Variants in TOM1L1 observed in about 807,000 individuals in gnomAD.
The protein encoded by TOM1L1 is TOM1-like protein 1.
In TOM1L1, 64 loss-of-function variants were observed where a neutral mutation model predicts 63.4. That is an observed-to-expected ratio of 1.01 (90% CI 0.83 to 1.24). The LOEUF (loss-of-function observed/expected upper bound fraction) is 1.24, where lower values mean the gene tolerates loss of function less well. TOM1L1 is among the 50% of genes most tolerant of loss of function. The pLI is 0.00. For missense variants in TOM1L1, 536 were observed against 567.0 expected, an observed-to-expected ratio of 0.95 and a Z score of 0.55; for synonymous variants, 166 against 194.4, an observed-to-expected ratio of 0.85 and a Z score of 1.22.
At chr17:54,919,916 G>A (rs1475168807) in intron 7 of TOM1L1, among the ~76,000 whole-genome samples, 1 of 152,100 alleles carries the variant, frequency 6.6e-6, no homozygotes, top group African/African-American at 2.4e-5. Flanking sequence ...TCAGAATGAA[G>A]TCAGCAAAGA....
In TOM1L1 at chr17:54,961,772, T is replaced by C. The variant is rs1467310031; in HGVS notation, c.*539T>C. On this transcript the variant is annotated 3_prime_UTR_variant, in exon 16 of 16. Transcript: ENST00000575882. ...CTTGATAATTGTCATTTAATTATAT[T>C]TCAGGTGTCCTGAACAGGTCACTAG... 2.3e-5 allele frequency: 23 copies of C among 1,013,850 alleles called. No homozygotes were observed. Among genetic ancestry groups the C allele is most frequent in the Non-Finnish European group, 2.6e-5 (22 of 848,338 alleles). 62.8% of individuals were successfully genotyped at this position (1,013,850 alleles called of 1,614,324 possible).
chr17:54,954,634 C>T (rs550997540), intron 14 of TOM1L1: 3 of 152,358 alleles, frequency 2.0e-5, no homozygotes, highest in East Asian at 3.9e-4. Context: ...TTCCAGTCCC[C>T]GAGTAGAGTT....
At chr17:54,924,672 G>A (rs1379865788) in intron 7 of TOM1L1, among the ~76,000 whole-genome samples, 2 of 152,140 alleles carry the variant, frequency 1.3e-5, no homozygotes, top group African/African-American at 4.8e-5. Context: ...TACTAGAATG[G>A]AAATGCCAAA....
At chr17:54,949,092 CATGATCAT>C (rs1222891319) in intron 12 of TOM1L1, among the ~76,000 whole-genome samples, 1 of 152,010 alleles carries the variant, frequency 6.6e-6, no homozygotes, top group African/African-American at 2.4e-5. Context: ...GAATATATAG[CATGATCAT>C]ATGATCATAA....
intron 11 of TOM1L1, among the ~76,000 whole-genome samples, chr17:54,945,427 C>T (rs746667388): frequency 2.0e-5 from 3 of 152,168 alleles, no homozygotes; most frequent in African/African-American, 4.8e-5. Flanking sequence ...TTTCACCAAA[C>T]TTGTGATGTT....
intron 1 of TOM1L1, 94 bp downstream of exon 1, chr17:54,901,017 G>C: frequency 6.5e-7 from 1 of 1,542,178 alleles, no homozygotes; most frequent in Non-Finnish European, 8.9e-7. Flanking sequence ...GACGGAGTTA[G>C]TCCAACTTGA....
intron 7 of TOM1L1, among the ~76,000 whole-genome samples, chr17:54,929,503 A>G (rs1439480425): frequency 6.6e-6 from 1 of 152,228 alleles, no homozygotes; most frequent in African/African-American, 2.4e-5. Flanking sequence ...TGATATAACT[A>G]TAAACTTTAA....
intron 7 of TOM1L1, among the ~76,000 whole-genome samples, chr17:54,920,288 G>A (rs553348690): frequency 1.3e-5 from 2 of 152,242 alleles, no homozygotes; most frequent in Admixed American, 1.3e-4. Flanking sequence ...CAACTGTAAA[G>A]AAGGAATAAA....
At chr17:54,948,207 T>G (rs2049151731) in intron 12 of TOM1L1, among the ~76,000 whole-genome samples, 1 of 152,170 alleles carries the variant, frequency 6.6e-6, no homozygotes, top group Non-Finnish European at 1.5e-5. Flanking sequence ...GAAGCCCTGT[T>G]TCAACCTTTG....
At chr17:54,929,741 G>GTT (rs61518775) in intron 7 of TOM1L1, among the ~76,000 whole-genome samples, 177 of 141,998 alleles carry the variant, frequency 1.2e-3, no homozygotes, top group Admixed American at 2.0e-3. Flanking sequence ...AAAAACATGT[G>GTT]TTTTTTTTTT....
At chr17:54,922,675 T>A (rs2048704444) in intron 7 of TOM1L1, among the ~76,000 whole-genome samples, 1 of 152,120 alleles carries the variant, frequency 6.6e-6, no homozygotes, top group Non-Finnish European at 1.5e-5. Context: ...TAAGTGGACG[T>A]GGGTCATAAA....
intron 14 of TOM1L1, chr17:54,957,755 G>A (rs2076983621): frequency 6.6e-6 from 1 of 152,168 alleles, no homozygotes; most frequent in African/African-American, 2.4e-5. Context: ...AGGACAAACA[G>A]TATGTTTATG....
rs143051125 is a variant in TOM1L1 at position 54,934,798 on chromosome 17, A to C, written c.855-1851A>C. On this transcript the variant is annotated intron_variant, in intron 8 of 15. Coordinates refer to ENST00000575882, the MANE Select transcript of TOM1L1 (RefSeq NM_005486.3). ...AGTGGCATTATCTCAGCTCACTGCA[A>C]CCTCCGCCTCCCAGGTTCAAGCGAT... Among the ~76,000 whole-genome samples the C allele has an allele frequency of 3.7e-3, 556 of 151,776 alleles. 3 individuals are homozygous for C. The highest frequency in any genetic ancestry group is 0.013 in the African/African-American group (536 of 41,344).
chr17:54,913,911 G>A, intron 5 of TOM1L1, 38 bp downstream of exon 5: 3 of 1,578,656 alleles, frequency 1.9e-6, no homozygotes, highest in Non-Finnish European at 2.6e-6. Context: ...GACTATAGTA[G>A]TGTATCACTT....
intron 2 of TOM1L1, among the ~76,000 whole-genome samples, chr17:54,905,189 C>T (rs1368250245): frequency 6.6e-6 from 1 of 152,096 alleles, no homozygotes; most frequent in Non-Finnish European, 1.5e-5. Flanking sequence ...TGGTTCTGTG[C>T]ATTGATAGAG....
intron 11 of TOM1L1, among the ~76,000 whole-genome samples, 164 bp downstream of exon 11, chr17:54,939,184 G>A (rs1390655489): frequency 6.6e-6 from 1 of 152,136 alleles, no homozygotes; most frequent in Non-Finnish European, 1.5e-5. Flanking sequence ...GACCAGCCTG[G>A]GCAACATGGC....
intron 7 of TOM1L1, among the ~76,000 whole-genome samples, chr17:54,924,229 T>G (rs550110367): frequency 1.3e-5 from 2 of 151,996 alleles, no homozygotes; most frequent in African/African-American, 4.8e-5. Flanking sequence ...CTGACTCTTA[T>G]GCTTCCCTGT....
chr17:54,950,139 C>T lies in TOM1L1; in HGVS notation c.1370+13C>T, dbSNP rs2049192687. The T allele has an allele frequency of 1.5e-5, 24 of 1,590,732 alleles. No individual in the cohort carries two copies. The highest frequency in any genetic ancestry group is 2.1e-5 in the Non-Finnish European group (24 of 1,160,730). ...CTGTCACTACAGAGTAAGTCATTTA[C>T]AAAATGATTAATTTATTTTTTGTCT... On this transcript the variant is annotated intron_variant, in intron 14 of 15. Coordinates refer to ENST00000575882, the MANE Select transcript of TOM1L1 (RefSeq NM_005486.3).
intron 11 of TOM1L1, among the ~76,000 whole-genome samples, chr17:54,944,342 C>T (rs1280775762): frequency 1.3e-5 from 2 of 151,332 alleles, no homozygotes; most frequent in Non-Finnish European, 1.5e-5. Context: ...CCCAGCTACT[C>T]GGGAGGCTGA....
Sources: gnomAD v4.1 joint callset for allele counts (sites outside exome capture counted in the v4.1 genomes callset) on GRCh38, gnomAD v4.1.1 for gene constraint, MANE v1.5 for transcripts, NCBI Gene and HGNC (gene_info 2026-07-23, HGNC 2026-07-21) for gene names.